The following GRP variants were observed in gnomAD, a reference collection of about 807,000 sequenced individuals.
GRP encodes gastrin-releasing peptide.
In GRP, 11 loss-of-function variants were observed where a neutral mutation model predicts 12.7. The ratio of observed to expected loss-of-function variants is 0.87; its 90% CI spans 0.55 to 1.44. The LOEUF (loss-of-function observed/expected upper bound fraction) is 1.44. Ranked by LOEUF, GRP falls within the 40% of genes most tolerant of loss-of-function variation. The pLI, the probability that GRP is intolerant of heterozygous loss-of-function variation, is 0.00. For synonymous variants in GRP, 84 were observed against 77.7 expected, an observed-to-expected ratio of 1.08 and a Z score of -0.43; for missense variants, 212 against 185.4, an observed-to-expected ratio of 1.14 and a Z score of -0.83.
At chr18:59,220,543 A>T (rs2069814861) in intron 1 of GRP, 139 bp downstream of exon 1, 1 of 659,942 alleles carries the variant, frequency 1.5e-6, no homozygotes, top group Non-Finnish European at 2.2e-6. Context: ...CTATCGGCAA[A>T]CACCTTCCCC....
chr18:59,227,348 C>T (rs1332227840), intron 2 of GRP, among the ~76,000 whole-genome samples: 1 of 152,130 alleles, frequency 6.6e-6, no homozygotes, highest in African/African-American at 2.4e-5. Flanking sequence ...TTGTACAAAA[C>T]CCCAAGCGAT....
At chr18:59,227,525 C>A (rs1026512623) in intron 2 of GRP, among the ~76,000 whole-genome samples, 4 of 152,106 alleles carry the variant, frequency 2.6e-5, no homozygotes, top group Non-Finnish European at 1.5e-5. Flanking sequence ...AGGTGGATAT[C>A]CAACAGCAGT....
chr18:59,219,512 G>T (rs1312229040), upstream of GRP, among the ~76,000 whole-genome samples: 1 of 34,612 alleles, frequency 2.9e-5, no homozygotes, highest in Non-Finnish European at 5.6e-5. Context: ...AGGAGGGGAA[G>T]GGAGGGGAGA....
At chr18:59,223,030 A>C (rs2069860313) in intron 1 of GRP, among the ~76,000 whole-genome samples, 1 of 152,248 alleles carries the variant, frequency 6.6e-6, no homozygotes, top group Non-Finnish European at 1.5e-5. Context: ...GTGGAATAGA[A>C]TTTAAGTGTG....
intron 1 of GRP, among the ~76,000 whole-genome samples, chr18:59,224,255 AC>A (rs1199987254): frequency 3.9e-5 from 6 of 152,112 alleles, no homozygotes; most frequent in African/African-American, 7.2e-5. Context: ...TTTTCACCAA[AC>A]CAATTAGCAT....
Position 59,220,244 on chromosome 18 carries a change from C to CGT in GRP, c.-22_-21insGT. The CGT allele has an allele frequency of 1.4e-6, 2 of 1,479,012 alleles. No homozygotes were observed. Among genetic ancestry groups the CGT allele is most frequent in the South Asian group, 1.3e-5 (1 of 77,648 alleles). The allele number at this position is 1,479,012 out of a possible 1,614,324, so 91.6% of individuals were successfully genotyped here. ...CTCTTCCCAGCCTCTCCGGCGCGCT[C>CGT]CAAGGGCTTCCCGTCGGGACCATGC... On this transcript the variant is annotated 5_prime_UTR_variant, in exon 1 of 3. Coordinates refer to ENST00000256857, the MANE Select transcript of GRP (RefSeq NM_002091.5).
At position 59,224,874 on chromosome 18, in the gene GRP, T is replaced by A. The variant is rs148459165; in HGVS notation, c.140-618T>A. Among the ~76,000 whole-genome samples, 1,201 of 152,310 alleles carry A rather than the reference T, an allele frequency of 7.9e-3. 14 individuals carry two copies. The highest frequency in any genetic ancestry group is 0.028 in the African/African-American group (1,148 of 41,562). Reference sequence around the variant, plus strand: ...TTTCAACTTGTTTTTCACTACACTCTTAACAAACAGTAAATCTGGGTAGTT... The same window carrying A: ...TTTCAACTTGTTTTTCACTACACTCATAACAAACAGTAAATCTGGGTAGTT... On this transcript the variant is annotated intron_variant, in intron 1 of 2. Coordinates refer to ENST00000256857, the MANE Select transcript of GRP (RefSeq NM_002091.5).
upstream of GRP, chr18:59,220,119 C>CCCCGG: frequency 3.3e-5 from 13 of 390,780 alleles, no homozygotes; most frequent in East Asian, 1.1e-4. Flanking sequence ...CCCCCCCGCC[C>CCCCGG]GGGCTTCCAT....
intron 2 of GRP, 148 bp downstream of exon 2, chr18:59,225,882 A>G: frequency 1.6e-6 from 1 of 637,884 alleles, no homozygotes. Context: ...GCACATTGAC[A>G]GACAATTTCT....
chr18:59,226,992 C>CCTT (rs1491177581), intron 2 of GRP, among the ~76,000 whole-genome samples: 1 of 107,856 alleles, frequency 9.3e-6, no homozygotes, highest in Admixed American at 9.5e-5. Flanking sequence ...TTCTTTTCTT[C>CCTT]CTTTCTTTCT....
At chr18:59,227,320 C>G (rs568051510) in intron 2 of GRP, among the ~76,000 whole-genome samples, 17 of 152,226 alleles carry the variant, frequency 1.1e-4, no homozygotes, top group African/African-American at 3.6e-4. Context: ...TAAACCAATA[C>G]AGAAATAAAT....
intron 1 of GRP, among the ~76,000 whole-genome samples, chr18:59,224,691 A>C (rs2069887328): frequency 6.6e-6 from 1 of 152,138 alleles, no homozygotes; most frequent in African/African-American, 2.4e-5. Flanking sequence ...TGCATACATA[A>C]ATTTTCATGT....
intron 1 of GRP, among the ~76,000 whole-genome samples, 184 bp downstream of exon 1, chr18:59,220,588 C>G (rs1435015015): frequency 6.6e-6 from 1 of 152,178 alleles, no homozygotes; most frequent in Non-Finnish European, 1.5e-5. Flanking sequence ...TTTCCCCATT[C>G]TAGGGAGCCC....
intron 1 of GRP, among the ~76,000 whole-genome samples, chr18:59,221,290 G>C (rs1001873445): frequency 2.0e-5 from 3 of 152,326 alleles, no homozygotes; most frequent in Admixed American, 6.5e-5. Flanking sequence ...GGACGGCCGC[G>C]CTGCGGGTGC....
chr18:59,219,870 C>T (rs2069798791), upstream of GRP, among the ~76,000 whole-genome samples: 1 of 152,040 alleles, frequency 6.6e-6, no homozygotes, highest in African/African-American at 2.4e-5. Context: ...CGCCGGCGAG[C>T]CTGGAGAGGG....
chr18:59,230,476 G>A lies in GRP; in HGVS notation c.*8G>A. On this transcript the variant is annotated 3_prime_UTR_variant, in exon 3 of 3. Coordinates refer to ENST00000256857, the MANE Select transcript of GRP (RefSeq NM_002091.5). ...CAGCTGAACCAGCAATGATAATGAT[G>A]GCCTCTCTCAAAAGAGAAAAACAAA... The A allele has an allele frequency of 6.5e-7, 1 of 1,538,554 alleles. No homozygotes were observed. Among genetic ancestry groups the A allele is most frequent in the Non-Finnish European group, 9.0e-7 (1 of 1,110,946 alleles).
At chr18:59,221,506 A>G (rs2069833581) in intron 1 of GRP, among the ~76,000 whole-genome samples, 1 of 151,704 alleles carries the variant, frequency 6.6e-6, no homozygotes, top group Admixed American at 6.6e-5. Context: ...GCCAACTACA[A>G]CAACCCCAAC....
chr18:59,223,462 C>G (rs2069867556), intron 1 of GRP, among the ~76,000 whole-genome samples: 1 of 152,016 alleles, frequency 6.6e-6, no homozygotes. Context: ...TATGCAAGTA[C>G]TGAAAGTTAG....
Position 59,230,701 on chromosome 18 carries a change from C to T in GRP, c.*233C>T, listed in dbSNP as rs545465245. The stretch of plus-strand genomic sequence containing the variant: ...CAATTAATGCTTTTTTATATCTAGG[C>T]TACCTGTTGGTTAGATTCAAGGCCC... On this transcript the variant is annotated 3_prime_UTR_variant, in exon 3 of 3. Coordinates refer to ENST00000256857, the MANE Select transcript of GRP (RefSeq NM_002091.5). 1.4e-5 allele frequency: 7 copies of T among 516,974 alleles called. No homozygotes were observed. Among genetic ancestry groups the T allele is most frequent in the Non-Finnish European group, 2.4e-5 (7 of 287,700 alleles). The allele number at this position is 516,974 out of a possible 1,614,324, so 32.0% of individuals were successfully genotyped here. A position where few individuals can be genotyped will look rare whatever the true frequency, so the allele number is the denominator to read the frequency against.
Sources: allele counts gnomAD v4.1 joint callset (sites outside exome capture counted in the v4.1 genomes callset), GRCh38; gene constraint gnomAD v4.1.1; transcripts MANE v1.5; gene names NCBI Gene and HGNC (gene_info 2026-07-23, HGNC 2026-07-21).